Variants in ST14 observed in about 807,000 individuals in gnomAD.
ST14 encodes the protein suppressor of tumorigenicity 14 protein.
A neutral mutation model predicts 96.5 loss-of-function variants in ST14; 40 were observed. That is an observed-to-expected ratio of 0.41 (90% confidence interval 0.32 to 0.54). The LOEUF (loss-of-function observed/expected upper bound fraction) is 0.54, where lower values mean the gene tolerates loss of function less well. Among genes scored for constraint, ST14 ranks in the 20% least tolerant of loss-of-function variants. The pLI is 0.17. For missense variants in ST14, 1,066 were observed against 1,188.9 expected (o/e 0.90, Z 1.52); for synonymous variants, 506 against 492.1 (o/e 1.03, Z -0.37).
In ST14 at chr11:130,207,760, G is replaced by C. The variant is rs146414816; in HGVS notation, c.1995-650G>C. On this transcript the variant is annotated intron_variant, in intron 16 of 18. Transcript: ENST00000278742. The stretch of plus-strand genomic sequence containing the variant: ...ATTTTTCAATTCATTTTGGTCTTAG[G>C]TTATATAGCACTACATTAAAAATTT... Among the ~76,000 whole-genome samples the C allele has an allele frequency of 2.4e-3, 370 of 152,292 alleles. 3 individuals are homozygous for C. Among genetic ancestry groups the C allele is most frequent in the African/African-American group, 8.4e-3 (349 of 41,564 alleles).
Position 130,198,944 on chromosome 11 carries a change from C to T in ST14, c.1685-3C>T. On this transcript the variant is annotated splice_polypyrimidine_tract_variant and splice_region_variant and intron_variant, in intron 14 of 18. Coordinates refer to ENST00000278742, the MANE Select transcript of ST14 (RefSeq NM_021978.4). ...CCCCTCCCTTGTCCTCCTCCTTGAA[C>T]AGTGAACGTCGTCACTTGTACCAAA... The T allele has an allele frequency of 1.2e-6, 2 of 1,614,016 alleles. No homozygotes were observed. Among genetic ancestry groups the T allele is most frequent in the South Asian group, 2.2e-5 (2 of 91,052 alleles).
chr11:130,175,851 C>T lies in ST14; in HGVS notation c.82-12263C>T, dbSNP rs549146790. On this transcript the variant is annotated intron_variant, in intron 1 of 18. Coordinates refer to ENST00000278742, the MANE Select transcript of ST14 (RefSeq NM_021978.4). ...GCTAATTTTGTATTTTTAGTAGAGA[C>T]GGAGTTTCATCATGTTGGCCAGGCT... is the stretch of plus-strand genomic sequence containing the variant. 1.4e-4 allele frequency among the ~76,000 whole-genome samples: 21 copies of T among 151,838 alleles called. No homozygotes were observed. The South Asian group carries it at 1.9e-3, about 14-fold the overall frequency.
intron 17 of ST14, among the ~76,000 whole-genome samples, 164 bp from the exon 18 acceptor site, chr11:130,209,278 T>A (rs1357875458): frequency 6.6e-6 from 1 of 152,166 alleles, no homozygotes; most frequent in Non-Finnish European, 1.5e-5. Context: ...TCTAGGTGGC[T>A]GCTATTGCCA....
chr11:130,206,970 C>CT (rs1953496388), intron 16 of ST14, among the ~76,000 whole-genome samples: 1 of 152,250 alleles, frequency 6.6e-6, no homozygotes, highest in East Asian at 1.9e-4. Flanking sequence ...TTACCCCACC[C>CT]TTTTTTATTA....
rs990069376 is a variant in ST14 at position 130,209,908 on chromosome 11, C to A, written c.*85C>A. 6 of 1,520,798 alleles carry A rather than the reference C, an allele frequency of 3.9e-6. No individual in the cohort carries two copies. Among genetic ancestry groups the A allele is most frequent in the Non-Finnish European group, 5.4e-6 (6 of 1,113,794 alleles). 94.2% of individuals were successfully genotyped at this position (1,520,798 alleles called of 1,614,324 possible). A position where few individuals can be genotyped will look rare whatever the true frequency, so the allele number is the denominator to read the frequency against. On this transcript the variant is annotated 3_prime_UTR_variant, in exon 19 of 19. Coordinates refer to ENST00000278742, the MANE Select transcript of ST14 (RefSeq NM_021978.4). ...CACGCCTGCAGGCTGGAGACTGGAC[C>A]GCTGACTGCACCAGCGCCCCCAGAA...
chr11:130,203,929 TA>T (rs554643081), intron 16 of ST14, among the ~76,000 whole-genome samples: 376 of 152,274 alleles, frequency 2.5e-3, no homozygotes, highest in Non-Finnish European at 3.8e-3. Flanking sequence ...GCTGGGATTA[TA>T]AGGTGTGAGC....
chr11:130,182,590 G>A (rs963572604), intron 1 of ST14, among the ~76,000 whole-genome samples: 1 of 150,420 alleles, frequency 6.6e-6, no homozygotes, highest in Non-Finnish European at 1.5e-5. Flanking sequence ...CAAGTGATCT[G>A]TCCACCTTGG....
chr11:130,190,052 A>C (rs1390026283), intron 5 of ST14, 61 bp from the exon 6 acceptor site: 1 of 1,613,202 alleles, frequency 6.2e-7, no homozygotes, highest in African/African-American at 1.3e-5. Context: ...GATAATAAGG[A>C]AGCAGGAATA....
chr11:130,185,954 C>T (rs757248922), intron 1 of ST14, among the ~76,000 whole-genome samples: 46 of 151,976 alleles, frequency 3.0e-4, no homozygotes, highest in Admixed American at 5.9e-4. Flanking sequence ...ATTACATGCA[C>T]GTGCCACCGC....
chr11:130,195,421 A>G (rs1481340281), intron 9 of ST14, among the ~76,000 whole-genome samples: 1 of 151,964 alleles, frequency 6.6e-6, no homozygotes, highest in Non-Finnish European at 1.5e-5. Context: ...GCTTGCCCCT[A>G]GGTGAAGTGA....
rs373975430 is a variant in ST14 at position 130,173,477 on chromosome 11, TC to T, written c.81+13420del. Among the ~76,000 whole-genome samples the T allele has an allele frequency of 1.5e-4, 23 of 151,940 alleles. No individual in the cohort carries two copies. The East Asian group carries it at 4.5e-3, about 29-fold the overall frequency. On this transcript the variant is annotated intron_variant, in intron 1 of 18. Coordinates refer to ENST00000278742, the MANE Select transcript of ST14 (RefSeq NM_021978.4). The stretch of plus-strand genomic sequence containing the variant: ...CAGGTGTGGTGGCGGGCGCCTGTAG[TC>T]CCAGCTACTCGGGAGGCTGAGGCAG...
At chr11:130,194,074 T>G in intron 7 of ST14, 75 bp from the exon 8 acceptor site, 56 of 1,602,418 alleles carry the variant, frequency 3.5e-5, no homozygotes, top group Non-Finnish European at 4.5e-5. Context: ...CACCTCTGCC[T>G]GAGAGCCTGG....
At chr11:130,193,621 C>T (rs1184584698) in intron 7 of ST14, among the ~76,000 whole-genome samples, 5 of 152,096 alleles carry the variant, frequency 3.3e-5, no homozygotes, top group East Asian at 1.9e-4. Flanking sequence ...AGGCGTGCAC[C>T]GTGATGCCCA....
Position 130,190,660 on chromosome 11 carries a change from A to C in ST14, c.841A>C (p.Thr281Pro). ...CAGCGACCTGGTGACGGTGTACAAC[A>C]CCCTGAGCCCCATGGAGCCCCACGC... is the stretch of plus-strand genomic sequence containing the variant. Reference protein sequence around the residue: ...RGSDLVTVYNTLSPMEPHALV... With the variant: ...RGSDLVTVYNPLSPMEPHALV... The change falls in exon 7 of 19, where the codon ACC becomes CCC. Residue 281 changes from threonine to proline, a missense_variant. Transcript: ENST00000278742. 6.2e-7 allele frequency: 1 copy of C among 1,601,618 alleles called. No individual in the cohort carries two copies. The highest frequency in any genetic ancestry group is 8.5e-7 in the Non-Finnish European group (1 of 1,174,876).
chr11:130,209,909 G>T lies in ST14; in HGVS notation c.*86G>T. ...ACGCCTGCAGGCTGGAGACTGGACC[G>T]CTGACTGCACCAGCGCCCCCAGAAC... On this transcript the variant is annotated 3_prime_UTR_variant, in exon 19 of 19. Coordinates refer to ENST00000278742, the MANE Select transcript of ST14 (RefSeq NM_021978.4). 1 of 1,514,058 alleles carries T rather than the reference G, an allele frequency of 6.6e-7. No individual in the cohort carries two copies. The highest frequency in any genetic ancestry group is 1.7e-5 in the Admixed American group (1 of 57,744). 93.8% of individuals were successfully genotyped at this position (1,514,058 alleles called of 1,614,324 possible).
At chr11:130,193,487 T>C (rs1344463951) in intron 7 of ST14, among the ~76,000 whole-genome samples, 1 of 151,948 alleles carries the variant, frequency 6.6e-6, no homozygotes, top group Non-Finnish European at 1.5e-5. Context: ...TTTTTTTTTT[T>C]TTCTGACAGT....
chr11:130,183,229 G>A (rs1953210637), intron 1 of ST14, among the ~76,000 whole-genome samples: 1 of 152,098 alleles, frequency 6.6e-6, no homozygotes, highest in Admixed American at 6.5e-5. Flanking sequence ...CAAAGTGCTG[G>A]GATTACAGGC....
Position 130,209,534 on chromosome 11 carries a change from A to T in ST14, c.2362A>T (p.Met788Leu). The change falls in exon 18 of 19, where the codon ATG becomes TTG. Residue 788 changes from methionine (M) to leucine (L), a missense_variant. By Grantham distance (15) the Met-to-Leu change is conservative (BLOSUM62 2). Coordinates refer to ENST00000278742, the MANE Select transcript of ST14 (RefSeq NM_021978.4). The stretch of plus-strand genomic sequence containing the variant: ...CCTGCCGCAGCAGATCACGCCGCGC[A>T]TGATGTGCGTGGGCTTCCTCAGCGG... Reference protein sequence around the residue: ...NLLPQQITPRMMCVGFLSGGV... With the variant: ...NLLPQQITPRLMCVGFLSGGV... 6.3e-7 allele frequency: 1 copy of T among 1,578,772 alleles called. No homozygotes were observed. Among genetic ancestry groups the T allele is most frequent in the Non-Finnish European group, 8.6e-7 (1 of 1,162,132 alleles).
chr11:130,188,368 C>G lies in ST14; in HGVS notation c.241+95C>G, dbSNP rs551895402. 6.3e-7 allele frequency: 1 copy of G among 1,579,474 alleles called. No homozygotes were observed. The highest frequency in any genetic ancestry group is 8.6e-7 in the Non-Finnish European group (1 of 1,159,684). On this transcript the variant is annotated intron_variant, in intron 2 of 18. Coordinates refer to ENST00000278742, the MANE Select transcript of ST14 (RefSeq NM_021978.4). This position sits in a 1 kb window ranked among gnomAD's most constrained non-coding sequence, Gnocchi z 5.4. ...GACCCAGGGCCACCTACTGAGTACACGAGGATCTCTTGGCCTCTCTGGAAC... is the reference window on the plus strand; with the variant it reads ...GACCCAGGGCCACCTACTGAGTACAGGAGGATCTCTTGGCCTCTCTGGAAC...
Sources: gnomAD v4.1 joint callset for allele counts (sites outside exome capture counted in the v4.1 genomes callset) on GRCh38, gnomAD v4.1.1 for gene constraint, Gnocchi (gnomAD v3.1) non-coding constraint, MANE v1.5 for transcripts, NCBI Gene and HGNC (gene_info 2026-07-23, HGNC 2026-07-21) for gene names.